Variants in CSMD1 observed in about 807,000 individuals in gnomAD.
The protein encoded by CSMD1 is CUB and sushi domain-containing protein 1.
A neutral mutation model predicts 417.5 loss-of-function variants in CSMD1; 213 were observed. The observed-to-expected ratio is 0.51, with a 90% confidence interval of 0.46 to 0.57. CSMD1 has a LOEUF of 0.57. CSMD1 is among the 20% of genes least tolerant of loss of function. The pLI is 0.00. For missense variants in CSMD1, 6,923 were observed against 4,529.7 expected (o/e 1.53, Z -15.17); for synonymous variants, 2,862 against 1,736.8 (o/e 1.65, Z -16.11).
At chr8:4,113,604 CTG>C (rs538131926) in intron 3 of CSMD1, among the ~76,000 whole-genome samples, 18 of 152,018 alleles carry the variant, frequency 1.2e-4, no homozygotes, top group Non-Finnish European at 2.5e-4. Flanking sequence ...CAGAGTTTCA[CTG>C]TGTTAGCCAG....
At chr8:3,337,485 G>A (rs1018664685) in intron 23 of CSMD1, among the ~76,000 whole-genome samples, 11 of 151,994 alleles carry the variant, frequency 7.2e-5, no homozygotes, top group African/African-American at 2.4e-4. Flanking sequence ...ATCTCTTTGC[G>A]GTTGGCAGTC....
chr8:3,838,898 A>T (rs866229801), intron 5 of CSMD1, among the ~76,000 whole-genome samples: 4 of 93,798 alleles, frequency 4.3e-5, no homozygotes, highest in African/African-American at 2.1e-4. Context: ...ATATATAATA[A>T]TATATACTCT....
At chr8:4,523,649 G>T (rs772456295) in intron 2 of CSMD1, among the ~76,000 whole-genome samples, 1 of 152,160 alleles carries the variant, frequency 6.6e-6, no homozygotes, top group East Asian at 1.9e-4. Context: ...TCCGGGGCCT[G>T]AAGGCAACTC....
intron 5 of CSMD1, among the ~76,000 whole-genome samples, chr8:3,841,070 A>G (rs1803103111): frequency 6.6e-6 from 1 of 151,994 alleles, no homozygotes; most frequent in African/African-American, 2.4e-5. Flanking sequence ...ACTAAACTAC[A>G]CTGATTGATG....
rs1801561136 is a variant in CSMD1 at position 2,937,449 on chromosome 8, A to ATAC, written c.*1135_*1136insGTA. 9.1e-6 allele frequency: 1 copy of ATAC among 109,680 alleles called. No individual in the cohort carries two copies. The highest frequency in any genetic ancestry group is 3.0e-5 in the African/African-American group (1 of 33,560). 6.8% of individuals were successfully genotyped at this position (109,680 alleles called of 1,614,324 possible). A position where few individuals can be genotyped will look rare whatever the true frequency, so the allele number is the denominator to read the frequency against. ...GCACAGTAAAAGACAAAAAAAAAAA[A>ATAC]AAACAAAAAAAAAACACTGCAAAAG... On this transcript the variant is annotated 3_prime_UTR_variant, in exon 70 of 70. Coordinates refer to ENST00000635120, the MANE Select transcript of CSMD1 (RefSeq NM_033225.6).
intron 3 of CSMD1, among the ~76,000 whole-genome samples, chr8:4,153,063 T>C (rs891718963): frequency 3.9e-5 from 6 of 152,174 alleles, no homozygotes; most frequent in African/African-American, 1.4e-4. Context: ...TAACAGTTTT[T>C]GAAGGGGGTA....
At chr8:4,186,825 A>G (rs1490643199) in intron 3 of CSMD1, among the ~76,000 whole-genome samples, 1 of 62,632 alleles carries the variant, frequency 1.6e-5, no homozygotes. Context: ...CGTCTCTACT[A>G]AAAATACAGA....
chr8:4,670,057 T>A (rs976590652), intron 1 of CSMD1, among the ~76,000 whole-genome samples: 7 of 152,158 alleles, frequency 4.6e-5, no homozygotes, highest in Non-Finnish European at 8.8e-5. Flanking sequence ...AGAAACTCTG[T>A]AGAAAGGGAA....
chr8:4,449,405 G>T (rs1194640200), intron 2 of CSMD1, among the ~76,000 whole-genome samples: 2 of 152,120 alleles, frequency 1.3e-5, no homozygotes, highest in Non-Finnish European at 2.9e-5. Flanking sequence ...CTGTGGCTAT[G>T]TTTAGAATAG....
intron 5 of CSMD1, among the ~76,000 whole-genome samples, chr8:3,977,658 C>T (rs577569209): frequency 2.6e-5 from 4 of 152,182 alleles, no homozygotes; most frequent in Non-Finnish European, 5.9e-5. Context: ...GAACCTTCTC[C>T]TTTCTGCTCA....
At chr8:4,105,221 A>C (rs1801507378) in intron 3 of CSMD1, among the ~76,000 whole-genome samples, 1 of 152,204 alleles carries the variant, frequency 6.6e-6, no homozygotes, top group Admixed American at 6.5e-5. Flanking sequence ...AAAAGCTCAC[A>C]TAACGTCAAA....
chr8:4,066,258 C>T (rs537554103), intron 3 of CSMD1, among the ~76,000 whole-genome samples: 18 of 152,298 alleles, frequency 1.2e-4, no homozygotes, highest in African/African-American at 3.6e-4. Context: ...TCCCACTGCA[C>T]CTCTGAGGTA....
At chr8:3,905,266 C>G (rs1057027007) in intron 5 of CSMD1, among the ~76,000 whole-genome samples, 1 of 152,074 alleles carries the variant, frequency 6.6e-6, no homozygotes, top group Non-Finnish European at 1.5e-5. Context: ...TTCTTTCATA[C>G]AAGAGTTAGG....
At chr8:3,698,067 T>C (rs937084165) in intron 7 of CSMD1, among the ~76,000 whole-genome samples, 1 of 152,202 alleles carries the variant, frequency 6.6e-6, no homozygotes, top group African/African-American at 2.4e-5. Flanking sequence ...ATTTAAAAAA[T>C]TATATGATAT....
chr8:3,340,971 A>G (rs1291874989), intron 23 of CSMD1, among the ~76,000 whole-genome samples: 3 of 152,224 alleles, frequency 2.0e-5, no homozygotes, highest in Admixed American at 6.5e-5. Context: ...TCCTATTTAT[A>G]GAACATTTGT....
chr8:3,784,131 CCTCT>C (rs1014065338), intron 5 of CSMD1, among the ~76,000 whole-genome samples: 23 of 145,978 alleles, frequency 1.6e-4, no homozygotes, highest in Admixed American at 3.3e-4. Flanking sequence ...AATTCTTTTT[CCTCT>C]CTCTTTCTCT....
chr8:3,445,428 C>G (rs919101994), intron 12 of CSMD1, among the ~76,000 whole-genome samples: 1 of 151,400 alleles, frequency 6.6e-6, no homozygotes, highest in African/African-American at 2.4e-5. Context: ...AGATAGTTCT[C>G]AGAAAGAGAA....
chr8:3,983,085 T>G (rs112605019), intron 5 of CSMD1, among the ~76,000 whole-genome samples: 3 of 151,582 alleles, frequency 2.0e-5, no homozygotes, highest in African/African-American at 7.3e-5. Context: ...GAGCCTCTAA[T>G]GATGTAAAAC....
chr8:3,031,294 T>C (rs962137968), intron 50 of CSMD1, among the ~76,000 whole-genome samples: 1 of 119,140 alleles, frequency 8.4e-6, no homozygotes, highest in African/African-American at 3.2e-5. Flanking sequence ...AAGGGGAACA[T>C]CACACTCTGG....
Sources: gnomAD v4.1 joint callset for allele counts (sites outside exome capture counted in the v4.1 genomes callset) on GRCh38, gnomAD v4.1.1 for gene constraint, MANE v1.5 for transcripts, NCBI Gene and HGNC (gene_info 2026-07-23, HGNC 2026-07-21) for gene names.